NOX4: variants seen among roughly 807,000 people sequenced by gnomAD.
NOX4 encodes the protein NADPH oxidase 4, also known as kidney oxidase-1.
A neutral mutation model predicts 87.6 loss-of-function variants in NOX4; 69 were observed. The ratio of observed to expected loss-of-function variants is 0.79; its 90% confidence interval spans 0.65 to 0.96. The LOEUF (loss-of-function observed/expected upper bound fraction) is 0.96, where lower values mean the gene tolerates loss of function less well. Among genes scored for constraint, NOX4 ranks in the 40% least tolerant of loss-of-function variants. The pLI is 0.00. For missense variants in NOX4, 680 were observed against 681.5 expected (o/e 1.00, Z 0.02); for synonymous variants, 275 against 238.2 (o/e 1.15, Z -1.42).
the NOX4 span, among the ~76,000 whole-genome samples, chr11:89,504,866 C>T: frequency 6.6e-6 from 1 of 151,896 alleles, no homozygotes; most frequent in Non-Finnish European, 1.5e-5. Flanking sequence ...AATTCCTTGA[C>T]TTTAATTGTT....
chr11:89,490,823 G>GAGATTA (rs1477243971), intron 1 of NOX4: 9 of 698,840 alleles, frequency 1.3e-5, no homozygotes, highest in Non-Finnish European at 2.1e-5. Flanking sequence ...CGTACAAAAT[G>GAGATTA]AGATTAAGAA....
At position 89,340,209 on chromosome 11, in the gene NOX4, C is replaced by A. The variant is rs200806700; in HGVS notation, c.1338-38G>T. On this transcript the variant is annotated intron_variant, in intron 14 of 17. Transcript: ENST00000263317. ...AATAACATGATAGTGATTAGGATGG[C>A]AAACACAAATATTAAAGAATTCGTA... is the stretch of plus-strand genomic sequence containing the variant. The A allele has an allele frequency of 2.1e-4, 263 of 1,277,750 alleles. 1 individual carries two copies. The African/African-American group carries it at 3.5e-3, about 17-fold the overall frequency. The allele number at this position is 1,277,750 out of a possible 1,614,324, so 79.2% of individuals were successfully genotyped here.
At chr11:89,476,138 G>C (rs1946158216) in intron 2 of NOX4, among the ~76,000 whole-genome samples, 1 of 151,838 alleles carries the variant, frequency 6.6e-6, no homozygotes, top group South Asian at 2.1e-4. Flanking sequence ...AGGAAGTTAG[G>C]GTGAGTTGTT....
At chr11:89,404,631 T>C (rs1280813099) in intron 8 of NOX4, among the ~76,000 whole-genome samples, 1 of 152,112 alleles carries the variant, frequency 6.6e-6, no homozygotes, top group Non-Finnish European at 1.5e-5. Context: ...ACAAAAATAT[T>C]TTAAAAGATG....
chr11:89,379,306 G>C (rs972285300), intron 11 of NOX4, among the ~76,000 whole-genome samples: 1 of 151,824 alleles, frequency 6.6e-6, no homozygotes. Flanking sequence ...CCCATCTTTT[G>C]ATCACAACAC....
At chr11:89,484,087 A>G (rs1946494658) in intron 2 of NOX4, among the ~76,000 whole-genome samples, 1 of 152,152 alleles carries the variant, frequency 6.6e-6, no homozygotes, top group Admixed American at 6.6e-5. Flanking sequence ...ACTAAAGTCT[A>G]GTATTAGCCA....
At chr11:89,425,719 A>C (rs545679762) in intron 7 of NOX4, among the ~76,000 whole-genome samples, 1 of 152,102 alleles carries the variant, frequency 6.6e-6, no homozygotes, top group African/African-American at 2.4e-5. Context: ...AATACACTAC[A>C]TATGTACAGT....
chr11:89,395,061 C>A (rs893399831), intron 11 of NOX4, among the ~76,000 whole-genome samples: 1 of 152,124 alleles, frequency 6.6e-6, no homozygotes, highest in Non-Finnish European at 1.5e-5. Context: ...AGTTCTAGAT[C>A]TCTGAGGAAT....
chr11:89,535,482 C>T, the NOX4 span, among the ~76,000 whole-genome samples: 1 of 152,200 alleles, frequency 6.6e-6, no homozygotes, highest in Admixed American at 6.5e-5. Flanking sequence ...TTTCTACCTC[C>T]CTCAAAAAAT....
intron 14 of NOX4, among the ~76,000 whole-genome samples, chr11:89,340,769 A>G (rs1350080835): frequency 6.6e-6 from 1 of 152,214 alleles, no homozygotes; most frequent in Non-Finnish European, 1.5e-5. Flanking sequence ...CTTGAGGTTA[A>G]GAAAATTTTC....
intron 2 of NOX4, among the ~76,000 whole-genome samples, chr11:89,461,341 T>G (rs959679378): frequency 6.6e-6 from 1 of 151,322 alleles, no homozygotes; most frequent in African/African-American, 2.4e-5. Flanking sequence ...AAAAATAAAT[T>G]AATTAAAAAA....
In NOX4 at chr11:89,497,465, C is replaced by T. The variant is rs116389795; in HGVS notation, c.-115+532G>A. 3.1e-3 allele frequency among the ~76,000 whole-genome samples: 472 copies of T among 152,208 alleles called. 1 individual carries two copies. The highest frequency in any genetic ancestry group is 0.011 in the African/African-American group (450 of 41,534). On this transcript the variant is annotated intron_variant, in intron 1 of 18. Transcript: ENST00000527956. The stretch of plus-strand genomic sequence containing the variant: ...CTTAAACTCAAACTATTAGAATCCA[C>T]ATTAAATAATATGAGTTTTACAGTC...
intron 7 of NOX4, among the ~76,000 whole-genome samples, chr11:89,422,595 G>A (rs750293031): frequency 9.9e-5 from 15 of 151,904 alleles, no homozygotes; most frequent in Non-Finnish European, 2.2e-4. Context: ...ATATATCCTG[G>A]GTGGATTTTA....
chr11:89,514,725 G>A, the NOX4 span, among the ~76,000 whole-genome samples: 1 of 151,886 alleles, frequency 6.6e-6, no homozygotes, highest in South Asian at 2.1e-4. Flanking sequence ...TGTCTCCTAT[G>A]ATGATCATGT....
the NOX4 span, among the ~76,000 whole-genome samples, chr11:89,516,334 A>G: frequency 6.6e-6 from 1 of 152,122 alleles, no homozygotes. Flanking sequence ...ATATAGATCA[A>G]TAGAAATTAG....
At chr11:89,540,861 T>C in the NOX4 span, among the ~76,000 whole-genome samples, 1 of 145,020 alleles carries the variant, frequency 6.9e-6, no homozygotes, top group Non-Finnish European at 1.5e-5. Context: ...AAGACCATGT[T>C]TCTTTCTAAG....
At chr11:89,372,903 A>G (rs1939550533) in intron 12 of NOX4, among the ~76,000 whole-genome samples, 1 of 151,972 alleles carries the variant, frequency 6.6e-6, no homozygotes. Context: ...AGCTCTTACT[A>G]CAATGCATCT....
rs368340382 is a variant in NOX4, at chr11:89,445,299, C to T, written c.350-1067G>A. Among the ~76,000 whole-genome samples, 18 of 151,830 alleles carry T rather than the reference C, an allele frequency of 1.2e-4. No individual in the cohort carries two copies. In the East Asian group the frequency reaches 1.9e-3, roughly 16 times the overall value. On this transcript the variant is annotated intron_variant, in intron 4 of 17. Transcript: ENST00000263317. Reference sequence around the variant, plus strand: ...AGAAAACTCTATAATTTCCCACAACCCATAATGTAAAATGTAGAGGGCTTA... The same window carrying T: ...AGAAAACTCTATAATTTCCCACAACTCATAATGTAAAATGTAGAGGGCTTA...
At chr11:89,534,856 A>G in the NOX4 span, among the ~76,000 whole-genome samples, 3 of 152,236 alleles carry the variant, frequency 2.0e-5, no homozygotes, top group Non-Finnish European at 4.4e-5. Flanking sequence ...GTTCATATCC[A>G]CAATAGTTTG....
Sources: gnomAD v4.1 joint callset for allele counts (sites outside exome capture counted in the v4.1 genomes callset) on GRCh38, gnomAD v4.1.1 for gene constraint, MANE v1.5 for transcripts, NCBI Gene and HGNC (gene_info 2026-07-23, HGNC 2026-07-21) for gene names.